Variants in COL5A3 observed in about 807,000 individuals in gnomAD.
COL5A3 encodes the protein collagen alpha-3(V) chain.
In COL5A3, 172 loss-of-function variants were observed where a neutral mutation model predicts 250.0. The observed-to-expected ratio is 0.69, with a 90% CI of 0.61 to 0.78. The LOEUF (loss-of-function observed/expected upper bound fraction) is 0.78. Among genes scored for constraint, COL5A3 ranks in the 30% least tolerant of loss-of-function variants. The pLI is 0.00. For missense variants in COL5A3, 2,340 were observed against 2,334.4 expected (o/e 1.00, Z -0.05); for synonymous variants, 937 against 900.4 (o/e 1.04, Z -0.73).
rs550941639 is a variant in COL5A3 at position 9,996,752 on chromosome 19, A to G, written c.1264-63T>C. 81 of 1,313,310 alleles carry G rather than the reference A, an allele frequency of 6.2e-5. No homozygotes were observed. In the East Asian group the frequency reaches 1.6e-3, roughly 25 times the overall value. 81.4% of individuals were successfully genotyped at this position (1,313,310 alleles called of 1,614,324 possible). ...AGAGAGGGAGAGAGAGAGCGAGGAC[A>G]GGGGAGGCACAGAAGGATGAGTCAG... On this transcript the variant is annotated intron_variant, in intron 11 of 66. Transcript: ENST00000264828.
Position 10,010,293 on chromosome 19 carries a change from C to T in COL5A3, c.88+5G>A. 1 of 1,437,250 alleles carries T rather than the reference C, an allele frequency of 7.0e-7. No individual in the cohort carries two copies. The highest frequency in any genetic ancestry group is 9.2e-7 in the Non-Finnish European group (1 of 1,090,448). The allele number at this position is 1,437,250 out of a possible 1,614,324, so 89.0% of individuals were successfully genotyped here. On this transcript the variant is annotated splice_donor_5th_base_variant and intron_variant, in intron 1 of 66. Transcript: ENST00000264828. ...CTGGGTCCCATCTCTTCCCTCCCGGCTCACCGGCCTGCGTCCCCGGCAGAA... is the reference window on the plus strand; with the variant it reads ...CTGGGTCCCATCTCTTCCCTCCCGGTTCACCGGCCTGCGTCCCCGGCAGAA...
intron 64 of COL5A3, among the ~76,000 whole-genome samples, chr19:9,965,743 C>T (rs530519058): frequency 6.6e-6 from 1 of 152,220 alleles, no homozygotes; most frequent in East Asian, 1.9e-4. Flanking sequence ...CGTGAGCTAC[C>T]ACATCCAGCC....
intron 40 of COL5A3, 25 bp downstream of exon 40, chr19:9,978,866 C>T: frequency 4.3e-6 from 6 of 1,401,852 alleles, no homozygotes; most frequent in Non-Finnish European, 5.7e-6. Context: ...AAGGGACATG[C>T]AGGAGGGTCT....
chr19:9,969,543 A>G, intron 56 of COL5A3, 32 bp downstream of exon 56: 1 of 1,601,928 alleles, frequency 6.2e-7, no homozygotes. Flanking sequence ...AGCTGGATCC[A>G]CCCTGTCCCA....
At chr19:9,984,881 C>T (rs2087074334) in intron 31 of COL5A3, among the ~76,000 whole-genome samples, 1 of 151,552 alleles carries the variant, frequency 6.6e-6, no homozygotes, top group Non-Finnish European at 1.5e-5. Flanking sequence ...GGCTCAATCT[C>T]CTTGGGCTCA....
At chr19:9,994,556 T>TTATA (rs1169958757) in intron 16 of COL5A3, among the ~76,000 whole-genome samples, 1 of 83,786 alleles carries the variant, frequency 1.2e-5, no homozygotes, top group Non-Finnish European at 2.5e-5. Flanking sequence ...CATATATGTT[T>TTATA]TACATATATA....
chr19:9,970,883 C>A, intron 53 of COL5A3, 92 bp downstream of exon 53: 1 of 1,228,616 alleles, frequency 8.1e-7, no homozygotes, highest in Non-Finnish European at 1.1e-6. Flanking sequence ...CCTTGGGTAC[C>A]CCACTAGCCC....
intron 8 of COL5A3, among the ~76,000 whole-genome samples, chr19:10,000,686 C>T (rs1056347218): frequency 1.3e-5 from 2 of 151,868 alleles, no homozygotes; most frequent in East Asian, 1.9e-4. Context: ...AAAAGCCAAG[C>T]GCCTCTCTCT....
chr19:10,005,520 A>G (rs778492008), intron 4 of COL5A3, 38 bp downstream of exon 4: 13 of 1,604,114 alleles, frequency 8.1e-6, no homozygotes, highest in South Asian at 1.1e-5. Context: ...AAAACATCCC[A>G]CCCTCTGCCT....
At chr19:9,969,459 C>A (rs1011650569) in intron 56 of COL5A3, 57 bp from the exon 57 acceptor site, 6 of 1,587,678 alleles carry the variant, frequency 3.8e-6, no homozygotes, top group African/African-American at 2.7e-5. Flanking sequence ...CAGTGTGGAC[C>A]CCCCCCCGAC....
chr19:9,976,438 A>C, intron 45 of COL5A3, 120 bp downstream of exon 45: 2 of 691,226 alleles, frequency 2.9e-6, no homozygotes, highest in Non-Finnish European at 4.7e-6. Context: ...GTCAGTACTG[A>C]GGGAAGATCA....
At chr19:9,967,562 C>T in intron 61 of COL5A3, 162 bp from the exon 62 acceptor site, 1 of 623,108 alleles carries the variant, frequency 1.6e-6, no homozygotes, top group Non-Finnish European at 2.8e-6. Context: ...CACATACAGC[C>T]TTGGGGAAGA....
chr19:10,005,650 G>C lies in COL5A3; in HGVS notation c.502C>G (p.Gln168Glu). 1 of 1,614,066 alleles carries C rather than the reference G, an allele frequency of 6.2e-7. No homozygotes were observed. The highest frequency in any genetic ancestry group is 8.5e-7 in the Non-Finnish European group (1 of 1,179,976). ...MVTLVADCEA[Q>E]PPVLGHGPRF... ...GGGCCATGGCCCAAAACAGGGGGCT[G>C]AGCTTCACAGTCAGCTACCAGGGTC... is the stretch of plus-strand genomic sequence containing the variant. Residue 168 changes from glutamine (Q) to glutamate (E), a missense_variant, in exon 4 of 67, where the codon CAG becomes GAG. Transcript: ENST00000264828.
chr19:9,978,524 C>G (rs772263075), intron 41 of COL5A3, 50 bp downstream of exon 41: 2 of 1,273,238 alleles, frequency 1.6e-6, no homozygotes, highest in Non-Finnish European at 2.3e-6. Context: ...TCCAAGACAC[C>G]TTGAGTCCCC....
rs750405045 is a variant in COL5A3 at position 9,982,053 on chromosome 19, G to C, written c.2460+12C>G. Reference sequence around the variant, plus strand: ...AGTTCTCCCCTCTCCCTTACCCCCGGTCATGACTCACCGACTTCCCTTTCT... The same window carrying C: ...AGTTCTCCCCTCTCCCTTACCCCCGCTCATGACTCACCGACTTCCCTTTCT... On this transcript the variant is annotated intron_variant, in intron 32 of 66. Coordinates refer to ENST00000264828, the MANE Select transcript of COL5A3 (RefSeq NM_015719.4). 6.2e-7 allele frequency: 1 copy of C among 1,606,902 alleles called. No individual in the cohort carries two copies. Among genetic ancestry groups the C allele is most frequent in the Admixed American group, 1.7e-5 (1 of 59,828 alleles).
In COL5A3 at chr19:9,977,637, C is replaced by A. The variant is rs543668698; in HGVS notation, c.3083G>T (p.Gly1028Val). 3 of 1,607,454 alleles carry A rather than the reference C, an allele frequency of 1.9e-6. No homozygotes were observed. The South Asian group carries it at 3.3e-5, about 18-fold the overall frequency. ...TGCAGGGCCAACGGGGCCTTCGCTG[C>A]CACTTTGGCCAGGAAGTCCAATGCC... is the stretch of plus-strand genomic sequence containing the variant. ...AGGIGLPGQS[G>V]SEGPVGPAGK... The change falls in exon 42 of 67, where the codon GGC becomes GTC. Residue 1028 changes from glycine to valine, a missense_variant. This residue lies in a region of COL5A3 where 1,179 missense variants were observed against 1,162.6 expected (regional missense o/e 1.01). Coordinates refer to ENST00000264828, the MANE Select transcript of COL5A3 (RefSeq NM_015719.4).
intron 11 of COL5A3, chr19:9,996,975 A>C: frequency 1.9e-6 from 1 of 533,836 alleles, no homozygotes; most frequent in Non-Finnish European, 3.3e-6. Flanking sequence ...ACAGAGAGAG[A>C]TAGACAGAGA....
At chr19:9,973,152 G>A (rs1695190192) in intron 50 of COL5A3, 126 bp from the exon 51 acceptor site, 5 of 788,652 alleles carry the variant, frequency 6.3e-6, no homozygotes, top group Admixed American at 5.7e-5. Flanking sequence ...AGTAGCCTAG[G>A]TTGTCCAAGG....
intron 26 of COL5A3, 70 bp from the exon 27 acceptor site, chr19:9,989,247 C>G: frequency 1.2e-6 from 2 of 1,610,640 alleles, no homozygotes; most frequent in South Asian, 2.2e-5. Flanking sequence ...TCATCTCTCT[C>G]CTCTGTGGCC....
Sources: gnomAD v4.1 joint callset for allele counts (sites outside exome capture counted in the v4.1 genomes callset) on GRCh38, gnomAD v4.1.1 for gene constraint, gnomAD v4.1.1 regional missense constraint, MANE v1.5 for transcripts, NCBI Gene and HGNC (gene_info 2026-07-23, HGNC 2026-07-21) for gene names.